Variants in POU2F1 observed in about 807,000 individuals in gnomAD.
The protein encoded by POU2F1 is POU class 2 homeobox 1.
In POU2F1, 16 loss-of-function variants were observed where a neutral mutation model predicts 84.9. That is an observed-to-expected ratio of 0.19 (90% CI 0.13 to 0.29). The LOEUF is 0.29. Ranked by LOEUF, POU2F1 falls within the 10% of genes least tolerant of loss-of-function variation. The pLI, the probability that POU2F1 is intolerant of heterozygous loss-of-function variation, is 1.00. For missense variants in POU2F1, 738 were observed against 942.6 expected (o/e 0.78, Z 2.84); for synonymous variants, 368 against 368.3 (o/e 1.00, Z 0.01).
At chr1:167,279,719 A>G (rs1227791756) in intron 1 of POU2F1, among the ~76,000 whole-genome samples, 2 of 151,988 alleles carry the variant, frequency 1.3e-5, no homozygotes, top group Non-Finnish European at 2.9e-5. Flanking sequence ...CTCCATCTCA[A>G]AAAAAACCAT....
chr1:167,242,514 A>G (rs1351133994), intron 1 of POU2F1, among the ~76,000 whole-genome samples: 1 of 152,214 alleles, frequency 6.6e-6, no homozygotes, highest in Non-Finnish European at 1.5e-5. Flanking sequence ...TTGAAGCACT[A>G]AGTGTTTGAG....
intron 1 of POU2F1, among the ~76,000 whole-genome samples, chr1:167,328,476 G>A (rs942966058): frequency 2.0e-5 from 3 of 152,140 alleles, no homozygotes; most frequent in African/African-American, 7.2e-5. Flanking sequence ...GTTTCCTTGG[G>A]ATTATTTGGA....
chr1:167,221,882 T>A (rs1648228913), intron 1 of POU2F1, among the ~76,000 whole-genome samples: 1 of 151,532 alleles, frequency 6.6e-6, no homozygotes, highest in Non-Finnish European at 1.5e-5. Flanking sequence ...CGAGGGGATG[T>A]CCTCTGGGGC....
chr1:167,249,530 A>G (rs1000705598), intron 1 of POU2F1, among the ~76,000 whole-genome samples: 2 of 152,188 alleles, frequency 1.3e-5, no homozygotes, highest in African/African-American at 4.8e-5. Context: ...AGGACAGGGG[A>G]GCAAGGGAGT....
chr1:167,357,380 C>CCCCCCCCCCCCCCCCCCCCT (rs1659028063), intron 2 of POU2F1: 1 of 3,002 alleles, frequency 3.3e-4, no homozygotes, highest in African/African-American at 1.2e-3. Context: ...CCCCCCCCCA[C>CCCCCCCCCCCCCCCCCCCCT]CCCCCCCCGC....
chr1:167,251,454 G>C (rs1314407482), intron 1 of POU2F1, among the ~76,000 whole-genome samples: 2 of 152,110 alleles, frequency 1.3e-5, no homozygotes, highest in Non-Finnish European at 2.9e-5. Context: ...GAATTCATTT[G>C]TACTTAACTA....
intron 8 of POU2F1, among the ~76,000 whole-genome samples, chr1:167,388,591 A>G (rs1648157493): frequency 6.6e-6 from 1 of 152,248 alleles, no homozygotes; most frequent in South Asian, 2.1e-4. Context: ...TAAAAAGGAT[A>G]ACTATGAAAA....
At chr1:167,358,643 T>C (rs1008523182) in intron 2 of POU2F1, among the ~76,000 whole-genome samples, 6 of 151,512 alleles carry the variant, frequency 4.0e-5, no homozygotes, top group African/African-American at 9.7e-5. Context: ...TATAGAGTTA[T>C]TCATTTTTAA....
intron 1 of POU2F1, among the ~76,000 whole-genome samples, chr1:167,238,847 A>G (rs1235152769): frequency 6.6e-6 from 1 of 152,144 alleles, no homozygotes; most frequent in African/African-American, 2.4e-5. Flanking sequence ...CACATCATTG[A>G]AGGTAGAGTG....
intron 1 of POU2F1, among the ~76,000 whole-genome samples, chr1:167,307,412 C>T (rs1472318531): frequency 6.7e-6 from 1 of 149,010 alleles, no homozygotes; most frequent in Non-Finnish European, 1.5e-5. Context: ...TGTTAATACA[C>T]ATCTTGTGAC....
intron 11 of POU2F1, among the ~76,000 whole-genome samples, chr1:167,398,839 C>T (rs1173523926): frequency 2.0e-5 from 3 of 152,186 alleles, no homozygotes; most frequent in African/African-American, 7.2e-5. Flanking sequence ...ACCTGCCTTT[C>T]TTACTGTGAG....
chr1:167,368,968 CT>C (rs1469441074), intron 3 of POU2F1, among the ~76,000 whole-genome samples: 1 of 152,136 alleles, frequency 6.6e-6, no homozygotes, highest in Non-Finnish European at 1.5e-5. Flanking sequence ...GCATGACTCT[CT>C]TTTTTTAATC....
At chr1:167,224,725 G>A (rs2102322406) in intron 1 of POU2F1, among the ~76,000 whole-genome samples, 1 of 151,448 alleles carries the variant, frequency 6.6e-6, no homozygotes, top group East Asian at 1.9e-4. Context: ...AGTATTTTAG[G>A]TTACTTTTGA....
intron 1 of POU2F1, among the ~76,000 whole-genome samples, chr1:167,255,680 A>C (rs1651078341): frequency 6.6e-6 from 1 of 152,132 alleles, no homozygotes; most frequent in Admixed American, 6.5e-5. Context: ...GCCTCAACTA[A>C]AGGAGTCGCA....
At chr1:167,302,232 C>T (rs1183707636) in intron 1 of POU2F1, among the ~76,000 whole-genome samples, 4 of 151,916 alleles carry the variant, frequency 2.6e-5, no homozygotes, top group African/African-American at 4.8e-5. Context: ...TACAGGCACA[C>T]GCCACCACAC....
intron 8 of POU2F1, among the ~76,000 whole-genome samples, chr1:167,385,569 AAG>A (rs558561468): frequency 1.8e-3 from 268 of 152,308 alleles, no homozygotes; most frequent in Non-Finnish European, 2.9e-3. Flanking sequence ...GGGAAAAAAA[AAG>A]TCATTCAAAA....
At chr1:167,228,199 G>A (rs1648782836) in intron 1 of POU2F1, among the ~76,000 whole-genome samples, 1 of 152,198 alleles carries the variant, frequency 6.6e-6, no homozygotes, top group African/African-American at 2.4e-5. Context: ...GAATGAGGAA[G>A]CATTTGTTCT....
At chr1:167,410,804 C>T (rs1355208649) in intron 13 of POU2F1, among the ~76,000 whole-genome samples, 2 of 152,140 alleles carry the variant, frequency 1.3e-5, no homozygotes, top group Non-Finnish European at 2.9e-5. Context: ...GCGTGAGCCA[C>T]CACACCTGGC....
At chr1:167,264,237 G>A (rs4657652) in intron 1 of POU2F1, among the ~76,000 whole-genome samples, 60,183 of 151,126 alleles carry the variant, frequency 0.4, 14,698 homozygotes, top group East Asian at 0.71. Context: ...TTTTCATGCT[G>A]CCCCATGTGA....
Sources: gnomAD v4.1 joint callset for allele counts (sites outside exome capture counted in the v4.1 genomes callset) on GRCh38, gnomAD v4.1.1 for gene constraint, MANE v1.5 for transcripts, NCBI Gene and HGNC (gene_info 2026-07-23, HGNC 2026-07-21) for gene names.